Variants in BICC1 observed in about 807,000 individuals in gnomAD.
BICC1 encodes protein bicaudal C homolog 1.
A neutral mutation model predicts 111.0 loss-of-function variants in BICC1; 43 were observed. That is an observed-to-expected ratio of 0.39 (90% CI 0.30 to 0.50). BICC1 has a LOEUF of 0.50. Ranked by LOEUF, BICC1 falls within the 20% of genes least tolerant of loss-of-function variation. The pLI is 0.88. For synonymous variants in BICC1, 467 were observed against 434.4 expected (o/e 1.07, Z -0.93); for missense variants, 1,091 against 1,203.2 (o/e 0.91, Z 1.38).
chr10:58,589,287 T>C (rs367651901), intron 1 of BICC1, among the ~76,000 whole-genome samples: 2 of 152,228 alleles, frequency 1.3e-5, no homozygotes, highest in African/African-American at 4.8e-5. Context: ...CTCAGGTACT[T>C]GTCACAGGGT....
chr10:58,663,544 G>A (rs1838913954), intron 2 of BICC1, among the ~76,000 whole-genome samples: 3 of 152,186 alleles, frequency 2.0e-5, no homozygotes, highest in Admixed American at 6.5e-5. Context: ...GGAGGTGAGC[G>A]GTAGCCAAGT....
At chr10:58,513,577 A>C (rs1266021793) in intron 1 of BICC1, among the ~76,000 whole-genome samples, 1 of 152,180 alleles carries the variant, frequency 6.6e-6, no homozygotes, top group African/African-American at 2.4e-5. Context: ...GCTTCAGAAA[A>C]GCCGAAGGCC....
intron 1 of BICC1, among the ~76,000 whole-genome samples, chr10:58,536,047 G>A (rs1050955150): frequency 1.3e-5 from 2 of 150,832 alleles, no homozygotes. Flanking sequence ...AAATATATAT[G>A]CACCTAACTC....
At chr10:58,575,446 T>G (rs557081469) in intron 1 of BICC1, among the ~76,000 whole-genome samples, 7 of 152,306 alleles carry the variant, frequency 4.6e-5, no homozygotes, top group African/African-American at 1.7e-4. Flanking sequence ...AAACTGGGAT[T>G]CCAGAAGGCT....
intron 8 of BICC1, among the ~76,000 whole-genome samples, chr10:58,792,461 G>A (rs555371406): frequency 3.3e-5 from 5 of 152,264 alleles, no homozygotes; most frequent in African/African-American, 1.2e-4. Context: ...TAGGAACTAG[G>A]CCACACAGCA....
intron 20 of BICC1, among the ~76,000 whole-genome samples, chr10:58,821,467 A>G (rs975600185): frequency 6.6e-6 from 1 of 152,128 alleles, no homozygotes; most frequent in African/African-American, 2.4e-5. Context: ...GTGGTTTTCC[A>G]TTTTATTTTA....
chr10:58,718,414 G>A (rs1303619514), intron 3 of BICC1, among the ~76,000 whole-genome samples: 1 of 152,164 alleles, frequency 6.6e-6, no homozygotes, highest in Non-Finnish European at 1.5e-5. Context: ...AGCATTGGGG[G>A]TAGGTTTCAA....
chr10:58,793,613 A>G lies in BICC1; in HGVS notation c.1177A>G (p.Lys393Glu). 1 of 1,613,730 alleles carries G rather than the reference A, an allele frequency of 6.2e-7. No homozygotes were observed. Among genetic ancestry groups the G allele is most frequent in the Non-Finnish European group, 8.5e-7 (1 of 1,179,866 alleles). The change falls in exon 9 of 21, where the codon AAG becomes GAG. Residue 393 changes from lysine to glutamate, a missense_variant and splice_region_variant. By Grantham distance (56) the Lys-to-Glu change is moderately conservative. This residue lies in a region of BICC1 where 843 missense variants were observed against 900.8 expected (regional missense o/e 0.94). Transcript: ENST00000373886. ...SIKPKPKQPS[K>E]SVIVKSVERN... is the part of the protein sequence containing the mutation. The stretch of plus-strand genomic sequence containing the variant: ...TAAACCAAAGCCCAAACAGCCAAGC[A>G]AGGTTGGTTCAGAGTCTGAATCCAG...
intron 1 of BICC1, among the ~76,000 whole-genome samples, chr10:58,533,768 C>A (rs1056431597): frequency 6.6e-6 from 1 of 151,448 alleles, no homozygotes; most frequent in Non-Finnish European, 1.5e-5. Context: ...GGTGAAATAC[C>A]CATGGTAGAT....
intron 1 of BICC1, among the ~76,000 whole-genome samples, chr10:58,563,227 A>G (rs1471675370): frequency 1.3e-5 from 2 of 152,102 alleles, no homozygotes; most frequent in East Asian, 3.9e-4. Flanking sequence ...TCATCTCTCA[A>G]TATGGCTCTG....
At chr10:58,647,599 A>G (rs1838308374) in intron 2 of BICC1, among the ~76,000 whole-genome samples, 1 of 152,198 alleles carries the variant, frequency 6.6e-6, no homozygotes, top group African/African-American at 2.4e-5. Flanking sequence ...AAAAACCATC[A>G]TCTTCACGAT....
At chr10:58,797,839 T>C (rs1181643476) in intron 10 of BICC1, among the ~76,000 whole-genome samples, 1 of 152,056 alleles carries the variant, frequency 6.6e-6, no homozygotes. Context: ...AAAAACAGTA[T>C]TTTTTTCTGA....
intron 2 of BICC1, among the ~76,000 whole-genome samples, chr10:58,700,342 C>G (rs1840194265): frequency 6.6e-6 from 1 of 152,074 alleles, no homozygotes; most frequent in African/African-American, 2.4e-5. Flanking sequence ...AGAAGGGGAG[C>G]CTGCTGGGCA....
chr10:58,706,641 C>T (rs370673255), intron 3 of BICC1, among the ~76,000 whole-genome samples: 11 of 152,220 alleles, frequency 7.2e-5, no homozygotes, highest in East Asian at 3.9e-4. Context: ...TTTCCTTCCA[C>T]GCTGTTCTCA....
chr10:58,750,638 A>C (rs1039424719), intron 3 of BICC1, among the ~76,000 whole-genome samples: 1 of 152,186 alleles, frequency 6.6e-6, no homozygotes, highest in African/African-American at 2.4e-5. Flanking sequence ...TGCATCCTAC[A>C]GTCAATAAAA....
intron 1 of BICC1, among the ~76,000 whole-genome samples, chr10:58,609,985 T>C (rs1845364431): frequency 2.0e-5 from 3 of 152,352 alleles, no homozygotes; most frequent in African/African-American, 7.2e-5. Context: ...AGCAAGGCAT[T>C]GGACATGACC....
chr10:58,753,736 C>A (rs998192476), intron 3 of BICC1, among the ~76,000 whole-genome samples: 9 of 151,930 alleles, frequency 5.9e-5, no homozygotes, highest in Non-Finnish European at 7.4e-5. Context: ...TTTTCTTCAT[C>A]CCTCCTTTAT....
chr10:58,695,395 T>C (rs921861039), intron 2 of BICC1, among the ~76,000 whole-genome samples: 1 of 152,170 alleles, frequency 6.6e-6, no homozygotes, highest in African/African-American at 2.4e-5. Flanking sequence ...CAGACCTTAT[T>C]TCTCTATTAA....
intron 1 of BICC1, among the ~76,000 whole-genome samples, chr10:58,607,344 A>ATAAATAAATAAATAAATAAATAAG (rs1564510203): frequency 6.6e-6 from 1 of 151,746 alleles, no homozygotes; most frequent in African/African-American, 2.4e-5. Context: ...AAATAAATAA[A>ATAAATAAATAAATAAATAAATAAG]ACTGTCATGC....
Sources: allele counts gnomAD v4.1 joint callset (sites outside exome capture counted in the v4.1 genomes callset), GRCh38; gene constraint gnomAD v4.1.1; regional missense constraint gnomAD v4.1.1; transcripts MANE v1.5; gene names NCBI Gene and HGNC (gene_info 2026-07-23, HGNC 2026-07-21).